Variants in MAOB observed in about 807,000 individuals in gnomAD.
MAOB encodes the protein monoamine oxidase B.
MAOB carries 15 observed loss-of-function variants against 41.9 expected under a neutral mutation model. The observed-to-expected ratio is 0.36, with a 90% CI of 0.24 to 0.55. The LOEUF (loss-of-function observed/expected upper bound fraction) is 0.55, where lower values mean the gene tolerates loss of function less well. MAOB is among the 20% of genes least tolerant of loss of function. MAOB has a pLI of 0.86. For synonymous variants in MAOB, 167 were observed against 144.2 expected, an observed-to-expected ratio of 1.16 and a Z score of -1.13; for missense variants, 345 against 398.7, an observed-to-expected ratio of 0.87 and a Z score of 1.15.
At chrX:43,816,254 C>T (rs1000333168) in intron 3 of MAOB, among the ~76,000 whole-genome samples, 12 of 111,556 alleles carry the variant, frequency 1.1e-4, no homozygotes, top group Non-Finnish European at 2.1e-4. Flanking sequence ...GGGGCTGTAG[C>T]GGGATGAAAG....
At chrX:43,776,513 A>T (rs775741866) in intron 11 of MAOB, among the ~76,000 whole-genome samples, 1 of 111,959 alleles carries the variant, frequency 8.9e-6, no homozygotes, top group Admixed American at 9.4e-5. Flanking sequence ...ATGTAACTTC[A>T]CAAAGCTTGA....
intron 3 of MAOB, among the ~76,000 whole-genome samples, chrX:43,834,259 C>T (rs921672350): frequency 9.0e-6 from 1 of 111,254 alleles, no homozygotes; most frequent in Non-Finnish European, 1.9e-5. Context: ...CTGGAGACTT[C>T]TGTCTTTATG....
At chrX:43,787,240 T>C (rs1158317505) in intron 8 of MAOB, among the ~76,000 whole-genome samples, 1 of 111,070 alleles carries the variant, frequency 9.0e-6, no homozygotes, top group Non-Finnish European at 1.9e-5. Context: ...CAGAATAAAA[T>C]AAGTCAATAG....
intron 3 of MAOB, among the ~76,000 whole-genome samples, chrX:43,812,572 G>A (rs1410019787): frequency 8.9e-6 from 1 of 112,466 alleles, no homozygotes; most frequent in African/African-American, 3.2e-5. Flanking sequence ...ACTGTAGTTT[G>A]GATTTGCAAT....
rs887501736 is a variant in MAOB, at chrX:43,797,717, C to A, written c.477-451G>T. ...CCTTCACCACAAATTTAGAATCCAT[C>A]TCTTTCCAGGAGTACTGCAATTACT... On this transcript the variant is annotated intron_variant, in intron 5 of 14. Coordinates refer to ENST00000378069, the MANE Select transcript of MAOB (RefSeq NM_000898.5). 4.5e-5 allele frequency among the ~76,000 whole-genome samples: 5 copies of A among 112,257 alleles called. No homozygotes were observed. The Admixed American group carries it at 4.7e-4, about 11-fold the overall frequency.
At chrX:43,868,847 A>G (rs1489226349) in intron 1 of MAOB, among the ~76,000 whole-genome samples, 2 of 108,020 alleles carry the variant, frequency 1.9e-5, no homozygotes, top group African/African-American at 3.5e-5. Flanking sequence ...GTAATTTCAC[A>G]TCAATTCTTG....
Position 43,769,025 on chromosome X carries a change from T to G in MAOB, c.1347+282A>C, listed in dbSNP as rs1191603489. Among the ~76,000 whole-genome samples, 5 of 111,831 alleles carry G rather than the reference T, an allele frequency of 4.5e-5. 1 individual carries two copies. Among genetic ancestry groups the G allele is most frequent in the African/African-American group, 9.8e-5 (3 of 30,761 alleles). On this transcript the variant is annotated intron_variant, in intron 13 of 14. Transcript: ENST00000378069. ...TGAATTTTGAGTCCTAATAGAAGCATGTTTGGTTCTAGAATATCAGACCTA... is the reference window on the plus strand; with the variant it reads ...TGAATTTTGAGTCCTAATAGAAGCAGGTTTGGTTCTAGAATATCAGACCTA...
Position 43,877,555 on chromosome X carries a change from A to G in MAOB, c.46+4699T>C, listed in dbSNP as rs2035447783. On this transcript the variant is annotated intron_variant, in intron 1 of 14. Transcript: ENST00000378069. ...ATAACGCTTGATATGCTACCTTTTTATCATTTATTATTAAATAATATTATT... is the reference window on the plus strand; with the variant it reads ...ATAACGCTTGATATGCTACCTTTTTGTCATTTATTATTAAATAATATTATT... Among the ~76,000 whole-genome samples the G allele has an allele frequency of 2.7e-5, 3 of 111,850 alleles. No individual in the cohort carries two copies. The South Asian group carries it at 1.1e-3, about 41-fold the overall frequency.
intron 1 of MAOB, among the ~76,000 whole-genome samples, chrX:43,863,861 T>C (rs1218966793): frequency 8.9e-6 from 1 of 111,912 alleles, no homozygotes; most frequent in Non-Finnish European, 1.9e-5. Context: ...TGGTATTTTA[T>C]GAAATTTACT....
At chrX:43,770,574 C>T (rs1159421964) in intron 12 of MAOB, among the ~76,000 whole-genome samples, 1 of 111,570 alleles carries the variant, frequency 9.0e-6, no homozygotes, top group East Asian at 2.8e-4. Flanking sequence ...GTTATACTTC[C>T]TCTCTCTACT....
chrX:43,809,414 C>T (rs2034714078), intron 3 of MAOB, among the ~76,000 whole-genome samples: 1 of 112,384 alleles, frequency 8.9e-6, no homozygotes, highest in Non-Finnish European at 1.9e-5. Flanking sequence ...TATCATGAAG[C>T]AGAATAAAAC....
At chrX:43,844,544 T>C (rs4824562) in intron 1 of MAOB, 13,849 of 111,444 alleles carry the variant, frequency 0.12, 739 homozygotes, top group South Asian at 0.22. Flanking sequence ...GGTGTCCCTG[T>C]GAGGGTGTTT....
At chrX:43,829,522 C>T (rs1195528716) in intron 3 of MAOB, among the ~76,000 whole-genome samples, 1 of 112,224 alleles carries the variant, frequency 8.9e-6, no homozygotes, top group Non-Finnish European at 1.9e-5. Context: ...TCTCTGACCA[C>T]GTCAACCTCA....
At position 43,882,446 on chromosome X, in the gene MAOB, A is replaced by G. The variant is rs1227686028; in HGVS notation, c.-147T>C. The G allele has an allele frequency of 5.1e-6, 5 of 989,568 alleles. No homozygotes were observed. The highest frequency in any genetic ancestry group is 2.0e-5 in the African/African-American group (1 of 49,476). 81.6% of individuals were successfully genotyped at this position (989,568 alleles called of 1,213,427 possible). A position where few individuals can be genotyped will look rare whatever the true frequency, so the allele number is the denominator to read the frequency against. Reference sequence around the variant, plus strand: ...TGCACCAGCGCCTCGGCGAGCCGCTATATTACCAGCCCCGGGAGCCCGGAC... The same window carrying G: ...TGCACCAGCGCCTCGGCGAGCCGCTGTATTACCAGCCCCGGGAGCCCGGAC... On this transcript the variant is annotated 5_prime_UTR_variant, in exon 1 of 15. Transcript: ENST00000378069.
At chrX:43,783,366 C>A (rs73212715) in intron 8 of MAOB, among the ~76,000 whole-genome samples, 1 of 111,798 alleles carries the variant, frequency 8.9e-6, no homozygotes, top group Non-Finnish European at 1.9e-5. Flanking sequence ...TCAGCTCATC[C>A]TGGATAAGAG....
At chrX:43,805,540 G>C (rs1049417981) in intron 3 of MAOB, among the ~76,000 whole-genome samples, 1 of 111,163 alleles carries the variant, frequency 9.0e-6, no homozygotes, top group African/African-American at 3.3e-5. Flanking sequence ...TTTTTTAATG[G>C]ACTCATACAA....
intron 1 of MAOB, among the ~76,000 whole-genome samples, chrX:43,871,473 G>A (rs1218383731): frequency 9.3e-6 from 1 of 107,347 alleles, no homozygotes; most frequent in Admixed American, 1.0e-4. Flanking sequence ...TTGAGGTGAA[G>A]CTGCTGTCCT....
chrX:43,779,146 G>A (rs1019911887), intron 10 of MAOB, among the ~76,000 whole-genome samples: 10 of 111,012 alleles, frequency 9.0e-5, no homozygotes, highest in South Asian at 3.8e-4. Flanking sequence ...TACAAATGAT[G>A]TAACTTGCCA....
chrX:43,802,726 C>A (rs1345027243), intron 4 of MAOB, among the ~76,000 whole-genome samples: 1 of 101,064 alleles, frequency 9.9e-6, no homozygotes, highest in Non-Finnish European at 2.0e-5. Context: ...GGGAGTTGAA[C>A]AATGAAAACA....
Sources: allele counts gnomAD v4.1 joint callset (sites outside exome capture counted in the v4.1 genomes callset), GRCh38; gene constraint gnomAD v4.1.1; transcripts MANE v1.5; gene names NCBI Gene and HGNC (gene_info 2026-07-23, HGNC 2026-07-21).